Variants in PPFIA2 observed in about 807,000 individuals in gnomAD.
The protein encoded by PPFIA2 is liprin-alpha-2.
A neutral mutation model predicts 175.5 loss-of-function variants in PPFIA2; 46 were observed. That is an observed-to-expected ratio of 0.26 (90% CI 0.21 to 0.34). The LOEUF (loss-of-function observed/expected upper bound fraction) is 0.34, where lower values mean the gene tolerates loss of function less well. PPFIA2 is among the 10% of genes least tolerant of loss of function. The pLI, the probability that PPFIA2 is intolerant of heterozygous loss-of-function variation, is 1.00. For missense variants in PPFIA2, 1,179 were observed against 1,506.1 expected, an observed-to-expected ratio of 0.78 and a Z score of 3.60; for synonymous variants, 568 against 511.4, an observed-to-expected ratio of 1.11 and a Z score of -1.49.
At chr12:81,536,563 AT>A (rs1233034670) in intron 4 of PPFIA2, among the ~76,000 whole-genome samples, 1 of 150,872 alleles carries the variant, frequency 6.6e-6, no homozygotes, top group African/African-American at 2.4e-5. Flanking sequence ...ATTGAAAAAA[AT>A]CAATTTATTC....
At chr12:81,383,694 G>A (rs190551284) in intron 9 of PPFIA2, among the ~76,000 whole-genome samples, 1 of 152,052 alleles carries the variant, frequency 6.6e-6, no homozygotes. Context: ...TATGCTAAGA[G>A]TATAGCAATT....
At chr12:81,302,942 G>T (rs927975543) in intron 22 of PPFIA2, among the ~76,000 whole-genome samples, 8 of 152,088 alleles carry the variant, frequency 5.3e-5, no homozygotes, top group Non-Finnish European at 1.2e-4. Flanking sequence ...ATTATTAAGG[G>T]TAGCACTAAT....
At chr12:81,585,014 A>ATATATAATATATTAATTATATTTT (rs2075077109) in intron 4 of PPFIA2, among the ~76,000 whole-genome samples, 1 of 78,642 alleles carries the variant, frequency 1.3e-5, no homozygotes, top group African/African-American at 4.9e-5. Flanking sequence ...AATTATATTT[A>ATATATAATATATTAATTATATTTT]TATATAATAT....
chr12:81,443,778 A>C (rs1270018401), intron 6 of PPFIA2, among the ~76,000 whole-genome samples: 1 of 148,696 alleles, frequency 6.7e-6, no homozygotes, highest in Non-Finnish European at 1.5e-5. Context: ...CCTGCTGCTT[A>C]GAGTATCTTT....
At chr12:81,666,002 A>G (rs1290447686) in intron 4 of PPFIA2, among the ~76,000 whole-genome samples, 5 of 152,190 alleles carry the variant, frequency 3.3e-5, no homozygotes, top group Non-Finnish European at 5.9e-5. Flanking sequence ...CAAAAAACAC[A>G]TGAAAAAATG....
chr12:81,387,602 G>A (rs2039267485), intron 8 of PPFIA2, among the ~76,000 whole-genome samples: 1 of 152,094 alleles, frequency 6.6e-6, no homozygotes, highest in South Asian at 2.1e-4. Context: ...TTGACTAGAG[G>A]AATTTCTCAA....
chr12:81,630,684 A>C (rs1432598734), intron 4 of PPFIA2, among the ~76,000 whole-genome samples: 1 of 152,086 alleles, frequency 6.6e-6, no homozygotes, highest in African/African-American at 2.4e-5. Flanking sequence ...AAGACCAAAA[A>C]ACTTCAGAAA....
At chr12:81,742,604 A>G (rs1159551296) in intron 3 of PPFIA2, among the ~76,000 whole-genome samples, 1 of 152,214 alleles carries the variant, frequency 6.6e-6, no homozygotes, top group Non-Finnish European at 1.5e-5. Flanking sequence ...AAGTGTCTGA[A>G]AGTTGAAAGA....
intron 4 of PPFIA2, among the ~76,000 whole-genome samples, chr12:81,620,652 G>A (rs1260054963): frequency 6.6e-6 from 1 of 152,190 alleles, no homozygotes; most frequent in Non-Finnish European, 1.5e-5. Flanking sequence ...ATCTGCCTTA[G>A]TGACACATTG....
intron 4 of PPFIA2, among the ~76,000 whole-genome samples, chr12:81,658,717 T>C (rs1479402144): frequency 1.3e-5 from 2 of 152,006 alleles, no homozygotes; most frequent in Non-Finnish European, 2.9e-5. Flanking sequence ...TTACATATGT[T>C]TTATATATGT....
At chr12:81,756,567 C>A (rs1034330140) in intron 2 of PPFIA2, among the ~76,000 whole-genome samples, 1 of 151,986 alleles carries the variant, frequency 6.6e-6, no homozygotes, top group Admixed American at 6.6e-5. Context: ...CTCAAAAGAA[C>A]TTGATTTGAT....
chr12:81,601,219 A>G (rs2059758425), intron 4 of PPFIA2, among the ~76,000 whole-genome samples: 1 of 151,968 alleles, frequency 6.6e-6, no homozygotes, highest in African/African-American at 2.4e-5. Flanking sequence ...TTTATTCTAA[A>G]TGTTACTGAA....
intron 8 of PPFIA2, among the ~76,000 whole-genome samples, chr12:81,388,345 T>C (rs1211602716): frequency 6.6e-6 from 1 of 152,114 alleles, no homozygotes; most frequent in Non-Finnish European, 1.5e-5. Context: ...TCCAATACAA[T>C]GAATGAATCA....
At chr12:81,560,964 C>T (rs1008291898) in intron 4 of PPFIA2, among the ~76,000 whole-genome samples, 7 of 151,952 alleles carry the variant, frequency 4.6e-5, no homozygotes, top group African/African-American at 1.7e-4. Context: ...ACTTTCTGCC[C>T]ACGTTTTAAA....
chr12:81,665,639 ACT>A (rs1349859734), intron 4 of PPFIA2, among the ~76,000 whole-genome samples: 1 of 151,984 alleles, frequency 6.6e-6, no homozygotes, highest in Non-Finnish European at 1.5e-5. Context: ...GGTTTGGAGC[ACT>A]CTACATTGCT....
At position 81,444,206 on chromosome 12, in the gene PPFIA2, C is replaced by T. The variant is rs115928965; in HGVS notation, c.570+1350G>A. The stretch of plus-strand genomic sequence containing the variant: ...GTCTTTGTCATTACTCACACAGTCA[C>T]AGCTTTTTCTGTGGCTACATATTGT... On this transcript the variant is annotated intron_variant, in intron 6 of 32. Coordinates refer to ENST00000549396, the MANE Select transcript of PPFIA2 (RefSeq NM_003625.5). 4.0e-3 allele frequency among the ~76,000 whole-genome samples: 602 copies of T among 152,280 alleles called. 3 individuals carry two copies. Among genetic ancestry groups the T allele is most frequent in the African/African-American group, 0.013 (559 of 41,566 alleles).
intron 24 of PPFIA2, chr12:81,292,596 A>C (rs1287268693): frequency 1.3e-5 from 2 of 152,130 alleles, no homozygotes; most frequent in African/African-American, 4.8e-5. Context: ...TTATTGTACG[A>C]ATGGAGCATA....
chr12:81,635,740 A>T (rs1567658573), intron 4 of PPFIA2, among the ~76,000 whole-genome samples: 1 of 152,192 alleles, frequency 6.6e-6, no homozygotes, highest in African/African-American at 2.4e-5. Context: ...CAGAAAAAAA[A>T]GCCAAGTGGA....
At position 81,617,259 on chromosome 12, in the gene PPFIA2, G is replaced by T. The variant is rs113297764; in HGVS notation, c.303+59532C>A. Among the ~76,000 whole-genome samples the T allele has an allele frequency of 4.4e-3, 677 of 152,180 alleles. 3 individuals are homozygous for T. The highest frequency in any genetic ancestry group is 0.016 in the African/African-American group (647 of 41,532). Reference sequence around the variant, plus strand: ...TGTTGAATTTGTCCCTTTCTTAATTGTTTTTCTCTTGTCCAAAATTATCTT... The same window carrying T: ...TGTTGAATTTGTCCCTTTCTTAATTTTTTTTCTCTTGTCCAAAATTATCTT... On this transcript the variant is annotated intron_variant, in intron 4 of 32. Transcript: ENST00000549396.
Sources: gnomAD v4.1 joint callset for allele counts (sites outside exome capture counted in the v4.1 genomes callset) on GRCh38, gnomAD v4.1.1 for gene constraint, MANE v1.5 for transcripts, NCBI Gene and HGNC (gene_info 2026-07-23, HGNC 2026-07-21) for gene names.